Variants in KATNBL1 observed in about 807,000 individuals in gnomAD.
KATNBL1 encodes katanin regulatory subunit B1 like 1.
In KATNBL1, 28 loss-of-function variants were observed where a neutral mutation model predicts 44.7. That is an observed-to-expected ratio of 0.63 (90% CI 0.46 to 0.86). The LOEUF (loss-of-function observed/expected upper bound fraction) is 0.86. Ranked by LOEUF, KATNBL1 falls within the 40% of genes least tolerant of loss-of-function variation. KATNBL1 has a pLI of 0.00. For synonymous variants in KATNBL1, 78 were observed against 114.9 expected (o/e 0.68, Z 2.06); for missense variants, 272 against 350.7 (o/e 0.78, Z 1.79).
intron 1 of KATNBL1, among the ~76,000 whole-genome samples, chr15:34,167,499 T>C (rs1428617279): frequency 6.6e-6 from 1 of 152,066 alleles, no homozygotes; most frequent in Non-Finnish European, 1.5e-5. Flanking sequence ...ACGGGGAGAA[T>C]GCAACCAGTC....
At chr15:34,142,921 G>T (rs989404914) in intron 9 of KATNBL1, 17 of 408,660 alleles carry the variant, frequency 4.2e-5, no homozygotes, top group Non-Finnish European at 7.1e-5. Flanking sequence ...CATGTTGGCC[G>T]GGATGGTCTC....
At chr15:34,143,793 C>CAAAAAA (rs560420668) in intron 9 of KATNBL1, among the ~76,000 whole-genome samples, 11 of 64,174 alleles carry the variant, frequency 1.7e-4, no homozygotes, top group African/African-American at 4.3e-4. Flanking sequence ...ACTAAAAATA[C>CAAAAAA]AAAAAAAAAA....
intron 1 of KATNBL1, among the ~76,000 whole-genome samples, chr15:34,170,350 G>A (rs1188049829): frequency 6.6e-6 from 1 of 152,102 alleles, no homozygotes; most frequent in Admixed American, 6.6e-5. Context: ...GCTACAAAGA[G>A]AATAAAATAC....
At chr15:34,144,051 C>CT (rs960676654) in intron 9 of KATNBL1, among the ~76,000 whole-genome samples, 5 of 138,272 alleles carry the variant, frequency 3.6e-5, no homozygotes, top group African/African-American at 1.0e-4. Flanking sequence ...CATTTTGCTT[C>CT]TTTTTTTTGA....
intron 2 of KATNBL1, among the ~76,000 whole-genome samples, chr15:34,158,316 T>C (rs547072820): frequency 3.9e-5 from 6 of 152,352 alleles, no homozygotes; most frequent in African/African-American, 1.4e-4. Flanking sequence ...CACCCATTTC[T>C]CTTCTGAATT....
chr15:34,151,528 T>TG (rs1276397616), intron 4 of KATNBL1, among the ~76,000 whole-genome samples: 9 of 131,296 alleles, frequency 6.9e-5, no homozygotes, highest in Admixed American at 6.5e-4. Context: ...CTTGGCTCAC[T>TG]GCAACCTTTG....
rs377487347 is a variant in KATNBL1, at chr15:34,156,645, G to A, written c.118-1961C>T. On this transcript the variant is annotated intron_variant, in intron 2 of 9. Coordinates refer to ENST00000256544, the MANE Select transcript of KATNBL1 (RefSeq NM_024713.3). ...GGAGGTTCTGGAAGAAGGCTTAGGG[G>A]AAGGTGTAGGCGGTGGGGGAGCAAT... is the stretch of plus-strand genomic sequence containing the variant. Among the ~76,000 whole-genome samples the A allele has an allele frequency of 3.0e-4, 46 of 152,320 alleles. 1 individual carries two copies. The South Asian group carries it at 9.5e-3, about 32-fold the overall frequency.
intron 1 of KATNBL1, among the ~76,000 whole-genome samples, chr15:34,193,031 C>G (rs2140988494): frequency 6.7e-6 from 1 of 148,504 alleles, no homozygotes; most frequent in Middle Eastern, 3.8e-3. Flanking sequence ...TCCTGGCTAA[C>G]ACAGTGAAAC....
chr15:34,189,356 G>T (rs1775961932), intron 1 of KATNBL1, among the ~76,000 whole-genome samples: 1 of 152,172 alleles, frequency 6.6e-6, no homozygotes, highest in Admixed American at 6.6e-5. Context: ...ATCTATGTAA[G>T]TATAATCCAA....
At chr15:34,178,377 T>G (rs140059063) in intron 1 of KATNBL1, among the ~76,000 whole-genome samples, 156 of 152,230 alleles carry the variant, frequency 1.0e-3, no homozygotes, top group African/African-American at 3.6e-3. Flanking sequence ...CACCAGGAGA[T>G]TCATGGGGCC....
At chr15:34,148,426 AT>A in intron 5 of KATNBL1, 1 of 368,294 alleles carries the variant, frequency 2.7e-6, no homozygotes, top group African/African-American at 2.1e-5. Flanking sequence ...CTTCCAAAAA[AT>A]TTTTTTAAAA....
chr15:34,151,196 A>G (rs1411308615), intron 4 of KATNBL1, among the ~76,000 whole-genome samples: 3 of 152,136 alleles, frequency 2.0e-5, no homozygotes, highest in Non-Finnish European at 4.4e-5. Flanking sequence ...ACTAAATTAC[A>G]TTGTCACCAG....
At chr15:34,153,514 G>A (rs1366595196) in intron 3 of KATNBL1, among the ~76,000 whole-genome samples, 2 of 152,048 alleles carry the variant, frequency 1.3e-5, no homozygotes, top group Non-Finnish European at 2.9e-5. Flanking sequence ...TAATACAGTG[G>A]TTCTCAAACG....
chr15:34,162,245 T>C (rs911515223), intron 2 of KATNBL1, among the ~76,000 whole-genome samples: 15 of 152,274 alleles, frequency 9.9e-5, no homozygotes, highest in South Asian at 4.1e-4. Context: ...TGGGAGATAA[T>C]TGCATCATGG....
chr15:34,185,760 T>C (rs1296803277), intron 1 of KATNBL1, among the ~76,000 whole-genome samples: 1 of 152,126 alleles, frequency 6.6e-6, no homozygotes, highest in Non-Finnish European at 1.5e-5. Flanking sequence ...CAGGGGTTTA[T>C]ATAGCAGGGA....
At chr15:34,165,549 C>A (rs1888939780) in intron 1 of KATNBL1, among the ~76,000 whole-genome samples, 1 of 152,126 alleles carries the variant, frequency 6.6e-6, no homozygotes, top group South Asian at 2.1e-4. Flanking sequence ...GTAATCCCAG[C>A]AAGTTCGGAG....
chr15:34,155,017 AG>A (rs1888598307), intron 2 of KATNBL1, among the ~76,000 whole-genome samples: 2 of 152,284 alleles, frequency 1.3e-5, no homozygotes, highest in South Asian at 4.1e-4. Flanking sequence ...CAGGTGACTA[AG>A]GATGACTAAG....
chr15:34,165,124 G>A (rs1369849061), intron 1 of KATNBL1, among the ~76,000 whole-genome samples: 3 of 152,212 alleles, frequency 2.0e-5, no homozygotes, highest in African/African-American at 7.2e-5. Flanking sequence ...TACTCTGACA[G>A]AAGGTTACTC....
intron 1 of KATNBL1, among the ~76,000 whole-genome samples, chr15:34,171,887 G>A (rs934322181): frequency 1.4e-5 from 2 of 143,450 alleles, no homozygotes; most frequent in African/African-American, 5.1e-5. Flanking sequence ...ACTGAACAAT[G>A]AGAACACTTG....
Sources: gnomAD v4.1 joint callset for allele counts (sites outside exome capture counted in the v4.1 genomes callset) on GRCh38, gnomAD v4.1.1 for gene constraint, MANE v1.5 for transcripts, NCBI Gene and HGNC (gene_info 2026-07-23, HGNC 2026-07-21) for gene names.